Variants in ENOX1 observed in about 807,000 individuals in gnomAD.
ENOX1 encodes the protein ecto-NOX disulfide-thiol exchanger 1, also known as candidate growth-related and time keeping constitutive hydroquinone (NADH) oxidase.
Under a neutral mutation model 82.5 loss-of-function variants are expected in ENOX1, and 42 were observed. The ratio of observed to expected loss-of-function variants is 0.51; its 90% CI spans 0.40 to 0.66. The LOEUF is 0.66. ENOX1 is among the 30% of genes least tolerant of loss of function. ENOX1 has a pLI of 0.00. For synonymous variants in ENOX1, 271 were observed against 282.2 expected (o/e 0.96, Z 0.40); for missense variants, 608 against 811.6 (o/e 0.75, Z 3.05).
chr13:43,566,627 T>C (rs945828758), intron 2 of ENOX1, among the ~76,000 whole-genome samples: 1 of 151,946 alleles, frequency 6.6e-6, no homozygotes, highest in Non-Finnish European at 1.5e-5. Flanking sequence ...ATTTGGGAGA[T>C]AATTATTTCT....
intron 14 of ENOX1, among the ~76,000 whole-genome samples, chr13:43,251,019 C>A (rs1452392848): frequency 6.6e-6 from 1 of 152,126 alleles, no homozygotes; most frequent in Non-Finnish European, 1.5e-5. Context: ...CCAGCTTGGA[C>A]CTGCCCAGTG....
At chr13:43,639,174 C>T (rs1246663054) in intron 2 of ENOX1, among the ~76,000 whole-genome samples, 1 of 152,018 alleles carries the variant, frequency 6.6e-6, no homozygotes, top group Non-Finnish European at 1.5e-5. Context: ...CCATGGTGGG[C>T]GCCTGTAATC....
At chr13:43,670,723 A>G (rs921643453) in intron 1 of ENOX1, among the ~76,000 whole-genome samples, 2 of 151,974 alleles carry the variant, frequency 1.3e-5, no homozygotes, top group South Asian at 4.2e-4. Context: ...CATGCCTGTA[A>G]TCCCAGCTAC....
At chr13:43,276,279 G>A (rs1157952118) in intron 12 of ENOX1, among the ~76,000 whole-genome samples, 1 of 152,046 alleles carries the variant, frequency 6.6e-6, no homozygotes, top group African/African-American at 2.4e-5. Context: ...TTTGCTCTAC[G>A]TGGCAATACC....
chr13:43,233,062 T>C (rs1444398726), intron 15 of ENOX1, among the ~76,000 whole-genome samples: 2 of 152,184 alleles, frequency 1.3e-5, no homozygotes, highest in African/African-American at 2.4e-5. Context: ...CTTCAGTGTA[T>C]GCCAATCCAA....
chr13:43,471,929 C>T (rs1475529064), intron 3 of ENOX1, among the ~76,000 whole-genome samples: 1 of 150,390 alleles, frequency 6.6e-6, no homozygotes, highest in Non-Finnish European at 1.5e-5. Flanking sequence ...TTACTGTAAA[C>T]TTCTTTAAAC....
intron 2 of ENOX1, among the ~76,000 whole-genome samples, chr13:43,634,844 T>C (rs1041982223): frequency 1.9e-4 from 29 of 152,198 alleles, no homozygotes; most frequent in African/African-American, 6.5e-4. Context: ...ATAACAATGT[T>C]AATGGGCAAA....
chr13:43,399,220 C>T (rs938766254), intron 5 of ENOX1, among the ~76,000 whole-genome samples: 1 of 152,126 alleles, frequency 6.6e-6, no homozygotes, highest in Non-Finnish European at 1.5e-5. Flanking sequence ...TTTTGGATAA[C>T]ATCAGGCTAC....
At chr13:43,219,008 T>G (rs2041642259) in intron 16 of ENOX1, among the ~76,000 whole-genome samples, 2 of 152,088 alleles carry the variant, frequency 1.3e-5, no homozygotes, top group Admixed American at 1.3e-4. Context: ...GACTCTGGAG[T>G]CATTACTTAA....
At chr13:43,497,745 TCAAAC>T (rs1429247360) in intron 2 of ENOX1, among the ~76,000 whole-genome samples, 1 of 152,120 alleles carries the variant, frequency 6.6e-6, no homozygotes, top group African/African-American at 2.4e-5. Flanking sequence ...TACAAAGCTC[TCAAAC>T]AATGACTAGA....
At chr13:43,736,702 G>A (rs1162249687) in intron 1 of ENOX1, among the ~76,000 whole-genome samples, 2 of 152,174 alleles carry the variant, frequency 1.3e-5, no homozygotes, top group Non-Finnish European at 2.9e-5. Context: ...TGAGAATTAA[G>A]GGGACTGTCT....
intron 2 of ENOX1, among the ~76,000 whole-genome samples, chr13:43,581,026 G>C (rs2080697067): frequency 6.8e-6 from 1 of 147,712 alleles, no homozygotes; most frequent in Non-Finnish European, 1.5e-5. Context: ...GGAAGAGCTA[G>C]TTTATTTGCT....
intron 3 of ENOX1, among the ~76,000 whole-genome samples, chr13:43,431,442 C>T (rs1019768020): frequency 1.1e-4 from 16 of 152,284 alleles, no homozygotes; most frequent in African/African-American, 3.1e-4. Context: ...ATAGCAACTG[C>T]GTCACCTTCT....
chr13:43,609,350 A>G (rs756346140), intron 2 of ENOX1, among the ~76,000 whole-genome samples: 6 of 152,166 alleles, frequency 3.9e-5, no homozygotes, highest in Non-Finnish European at 8.8e-5. Context: ...TTTTATTTTC[A>G]TAAATTTTCT....
intron 11 of ENOX1, among the ~76,000 whole-genome samples, chr13:43,307,031 G>C (rs2046908772): frequency 6.6e-6 from 1 of 152,150 alleles, no homozygotes; most frequent in Admixed American, 6.5e-5. Flanking sequence ...GCAATAATGG[G>C]TTGAACAGAA....
intron 2 of ENOX1, chr13:43,546,310 G>T (rs1291903752): frequency 6.6e-6 from 1 of 152,292 alleles, no homozygotes; most frequent in Non-Finnish European, 1.5e-5. Flanking sequence ...AGTAAAGGAA[G>T]AGAAAGAGCT....
intron 3 of ENOX1, among the ~76,000 whole-genome samples, chr13:43,480,612 T>C (rs1044666405): frequency 5.9e-5 from 9 of 152,196 alleles, no homozygotes; most frequent in East Asian, 3.8e-4. Context: ...AGAAATTACA[T>C]TGGCTTTCTT....
At chr13:43,493,529 C>T (rs190427974) in intron 2 of ENOX1, among the ~76,000 whole-genome samples, 4 of 152,308 alleles carry the variant, frequency 2.6e-5, no homozygotes, top group Non-Finnish European at 5.9e-5. Context: ...CCAGAAAGAG[C>T]GAGAATTCAC....
chr13:43,770,869 A>G (rs1219740204), intron 1 of ENOX1, among the ~76,000 whole-genome samples: 1 of 152,104 alleles, frequency 6.6e-6, no homozygotes, highest in Non-Finnish European at 1.5e-5. Context: ...GCTTCTAAAA[A>G]CTAGCTATTT....
Sources: allele counts gnomAD v4.1 joint callset (sites outside exome capture counted in the v4.1 genomes callset), GRCh38; gene constraint gnomAD v4.1.1; transcripts MANE v1.5; gene names NCBI Gene and HGNC (gene_info 2026-07-23, HGNC 2026-07-21).